Variants in PDZRN4 observed in about 807,000 individuals in gnomAD.
PDZRN4 encodes the protein PDZ domain-containing RING finger protein 4.
A neutral mutation model predicts 99.0 loss-of-function variants in PDZRN4; 70 were observed. That is an observed-to-expected ratio of 0.71 (90% CI 0.58 to 0.86). PDZRN4 has a LOEUF of 0.86. Ranked by LOEUF, PDZRN4 falls within the 40% of genes least tolerant of loss-of-function variation. PDZRN4 has a pLI of 0.00. For missense variants in PDZRN4, 1,474 were observed against 1,331.2 expected, an observed-to-expected ratio of 1.11 and a Z score of -1.67; for synonymous variants, 551 against 501.6, an observed-to-expected ratio of 1.10 and a Z score of -1.32.
At chr12:41,461,998 A>G (rs1841542386) in intron 3 of PDZRN4, among the ~76,000 whole-genome samples, 1 of 152,136 alleles carries the variant, frequency 6.6e-6, no homozygotes, top group Non-Finnish European at 1.5e-5. Context: ...TTAACCTCAC[A>G]TTGTGCTCCC....
At chr12:41,203,682 C>T (rs1309701951) in intron 3 of PDZRN4, among the ~76,000 whole-genome samples, 1 of 151,946 alleles carries the variant, frequency 6.6e-6, no homozygotes, top group African/African-American at 2.4e-5. Context: ...TTTGCCAAGG[C>T]CACACAGTAA....
rs114933126 is a variant in PDZRN4 at position 41,270,417 on chromosome 12, T to C, written c.843+76229T>C. ...AGCAACTTATAGAAATAAAGATTAATGAATTTAGAGAAAATTGAATTCTAT... is the reference window on the plus strand; with the variant it reads ...AGCAACTTATAGAAATAAAGATTAACGAATTTAGAGAAAATTGAATTCTAT... On this transcript the variant is annotated intron_variant, in intron 3 of 9. Transcript: ENST00000402685. Among the ~76,000 whole-genome samples, 1,316 of 152,028 alleles carry C rather than the reference T, an allele frequency of 8.7e-3. 21 individuals carry two copies. The highest frequency in any genetic ancestry group is 0.03 in the African/African-American group (1,258 of 41,474).
At chr12:41,203,180 T>G (rs1204932190) in intron 3 of PDZRN4, among the ~76,000 whole-genome samples, 1 of 151,686 alleles carries the variant, frequency 6.6e-6, no homozygotes, top group Non-Finnish European at 1.5e-5. Flanking sequence ...CTTAAAGAGC[T>G]TATAATCAAG....
chr12:41,534,744 GTT>G (rs1938721406), intron 5 of PDZRN4, among the ~76,000 whole-genome samples: 1 of 152,076 alleles, frequency 6.6e-6, no homozygotes, highest in South Asian at 2.1e-4. Context: ...GTTTGCAGAT[GTT>G]TTGTCTCAGC....
At chr12:41,349,723 T>A (rs1241908037) in intron 3 of PDZRN4, among the ~76,000 whole-genome samples, 2 of 151,948 alleles carry the variant, frequency 1.3e-5, no homozygotes, top group African/African-American at 4.8e-5. Context: ...GCTTTCTTGC[T>A]TGGGAGGAGA....
At chr12:41,445,068 T>C (rs1471892276) in intron 3 of PDZRN4, among the ~76,000 whole-genome samples, 7 of 152,064 alleles carry the variant, frequency 4.6e-5, no homozygotes, top group Non-Finnish European at 8.8e-5. Flanking sequence ...TTTCACTGTT[T>C]AATTGACACA....
chr12:41,496,985 G>A lies in PDZRN4; in HGVS notation c.844-9471G>A, dbSNP rs569146346. 6.6e-5 allele frequency among the ~76,000 whole-genome samples: 10 copies of A among 152,038 alleles called. No individual in the cohort carries two copies. In the East Asian group the frequency reaches 1.2e-3, roughly 18 times the overall value. ...AAGATACTTTACCATCTTCTTTCCC[G>A]TTATGACAGACGCCCTGTTGTTGTA... On this transcript the variant is annotated intron_variant, in intron 3 of 9. Coordinates refer to ENST00000402685, the MANE Select transcript of PDZRN4 (RefSeq NM_001164595.2).
intron 3 of PDZRN4, among the ~76,000 whole-genome samples, chr12:41,233,616 T>G (rs1293792005): frequency 6.6e-6 from 1 of 151,992 alleles, no homozygotes; most frequent in African/African-American, 2.4e-5. Flanking sequence ...CCATAAAAAA[T>G]GATGAGTTCA....
In PDZRN4 at chr12:41,555,709, T is replaced by C. The variant is rs1473078932; in HGVS notation, c.1314T>C (p.Asn438=). ...TGIYVSEVDP[N]SIAAKDGRIR... is the part of the protein sequence containing the mutation. Reference sequence around the variant, plus strand: ...CCTCTTCATTACAGGTTGACCCAAATAGCATTGCTGCCAAAGACGGCCGGA... The same window carrying C: ...CCTCTTCATTACAGGTTGACCCAAACAGCATTGCTGCCAAAGACGGCCGGA... The change falls in exon 7 of 10, where the codon AAT becomes AAC. Residue 438 remains asparagine (N), a synonymous_variant. Transcript: ENST00000402685. 1.9e-6 allele frequency: 3 copies of C among 1,613,944 alleles called. No homozygotes were observed. Among genetic ancestry groups the C allele is most frequent in the Non-Finnish European group, 2.5e-6 (3 of 1,179,858 alleles).
intron 3 of PDZRN4, among the ~76,000 whole-genome samples, chr12:41,297,835 T>C (rs914372355): frequency 6.6e-6 from 1 of 152,168 alleles, no homozygotes; most frequent in East Asian, 1.9e-4. Flanking sequence ...AACTGACTAT[T>C]AGGCTAAAAA....
At chr12:41,464,634 G>A (rs1952907690) in intron 3 of PDZRN4, among the ~76,000 whole-genome samples, 1 of 152,108 alleles carries the variant, frequency 6.6e-6, no homozygotes, top group Non-Finnish European at 1.5e-5. Flanking sequence ...AATAAAAACA[G>A]CCAAATACTA....
intron 3 of PDZRN4, among the ~76,000 whole-genome samples, chr12:41,379,894 T>G (rs1952110817): frequency 6.6e-6 from 1 of 152,080 alleles, no homozygotes; most frequent in South Asian, 2.1e-4. Flanking sequence ...AAAACCACTG[T>G]TTCCTTATTG....
intron 5 of PDZRN4, among the ~76,000 whole-genome samples, chr12:41,544,282 T>G (rs775105078): frequency 6.6e-6 from 1 of 152,260 alleles, no homozygotes; most frequent in Non-Finnish European, 1.5e-5. Flanking sequence ...ATTACTTTTC[T>G]TGTTGGCAGA....
chr12:41,223,554 A>G (rs1251828266), intron 3 of PDZRN4, among the ~76,000 whole-genome samples: 3 of 152,214 alleles, frequency 2.0e-5, no homozygotes, highest in Non-Finnish European at 4.4e-5. Context: ...TTGCATTCCA[A>G]ATACAAAATT....
At chr12:41,320,353 A>C (rs1271805774) in intron 3 of PDZRN4, among the ~76,000 whole-genome samples, 4 of 152,238 alleles carry the variant, frequency 2.6e-5, no homozygotes, top group Non-Finnish European at 4.4e-5. Context: ...TGTGCTGACT[A>C]AATAGATTCC....
intron 3 of PDZRN4, among the ~76,000 whole-genome samples, chr12:41,374,999 C>T (rs544772536): frequency 7.9e-5 from 12 of 152,258 alleles, no homozygotes; most frequent in African/African-American, 2.9e-4. Context: ...AAGTCACTTG[C>T]TCTGGCAGAA....
chr12:41,208,486 T>A (rs1362153751), intron 3 of PDZRN4, among the ~76,000 whole-genome samples: 2 of 151,870 alleles, frequency 1.3e-5, no homozygotes, highest in Non-Finnish European at 2.9e-5. Context: ...CTTTGTCAAT[T>A]ATTTTAATCT....
intron 3 of PDZRN4, chr12:41,409,614 T>G (rs1952378456): frequency 6.6e-6 from 1 of 152,224 alleles, no homozygotes; most frequent in Non-Finnish European, 1.5e-5. Context: ...CTTTGTATTC[T>G]CAATAAGATC....
chr12:41,363,157 G>C (rs935162231), intron 3 of PDZRN4, among the ~76,000 whole-genome samples: 10 of 152,136 alleles, frequency 6.6e-5, no homozygotes, highest in Admixed American at 5.2e-4. Flanking sequence ...AATAAAGCTA[G>C]TAATTGGACT....
Sources: allele counts gnomAD v4.1 joint callset (sites outside exome capture counted in the v4.1 genomes callset), GRCh38; gene constraint gnomAD v4.1.1; transcripts MANE v1.5; gene names NCBI Gene and HGNC (gene_info 2026-07-23, HGNC 2026-07-21).